Variants in MTNAP1 observed in about 807,000 individuals in gnomAD.
The protein encoded by MTNAP1 is mitochondrial nucleoid-associated protein 1.
the MTNAP1 span, chr17:73,236,794 C>T: frequency 6.2e-7 from 1 of 1,614,176 alleles, no homozygotes; most frequent in Non-Finnish European, 8.5e-7. Flanking sequence ...AGCCCAGCGT[C>T]ACACTCCTCA....
At chr17:73,239,928 TCAA>T in the MTNAP1 span, among the ~76,000 whole-genome samples, 1 of 152,186 alleles carries the variant, frequency 6.6e-6, no homozygotes, top group Non-Finnish European at 1.5e-5. Flanking sequence ...ACAGTGAACC[TCAA>T]GTTGAGTTTA....
chr17:73,234,702 A>T, the MTNAP1 span, among the ~76,000 whole-genome samples: 1 of 140,576 alleles, frequency 7.1e-6, no homozygotes, highest in Non-Finnish European at 1.6e-5. Flanking sequence ...AAAAAAAAGT[A>T]TAAGTGAAAA....
At chr17:73,242,816 C>A in the MTNAP1 span, 2 of 1,104,232 alleles carry the variant, frequency 1.8e-6, no homozygotes, top group Non-Finnish European at 2.7e-6. Context: ...CTCAGGCTAA[C>A]TGGGAAAACT....
chr17:73,235,989 T>C, the MTNAP1 span: 2 of 1,614,222 alleles, frequency 1.2e-6, no homozygotes, highest in Non-Finnish European at 1.7e-6. Flanking sequence ...CTTCAGAAGC[T>C]GGAGCGTCTT....
the MTNAP1 span, among the ~76,000 whole-genome samples, chr17:73,243,658 A>G: frequency 6.6e-6 from 1 of 151,114 alleles, no homozygotes; most frequent in Non-Finnish European, 1.5e-5. Flanking sequence ...CCTCCTGAGT[A>G]GCTGGGACTA....
chr17:73,235,800 A>G, the MTNAP1 span: 2 of 1,614,208 alleles, frequency 1.2e-6, no homozygotes, highest in Non-Finnish European at 1.7e-6. Flanking sequence ...CAGCTACTAC[A>G]AAGGCAGATA....
At chr17:73,243,032 T>C in the MTNAP1 span, 1 of 1,547,348 alleles carries the variant, frequency 6.5e-7, no homozygotes, top group African/African-American at 1.4e-5. Context: ...CTAGCCTAAA[T>C]AACAGGTCCC....
the MTNAP1 span, chr17:73,245,473 T>G: frequency 9.0e-7 from 1 of 1,106,494 alleles, no homozygotes; most frequent in South Asian, 3.8e-5. Flanking sequence ...AAGTTGTTAT[T>G]CAAGGAGATG....
the MTNAP1 span, among the ~76,000 whole-genome samples, chr17:73,237,468 C>T: frequency 6.6e-6 from 1 of 152,030 alleles, no homozygotes; most frequent in African/African-American, 2.4e-5. Flanking sequence ...AACATTACTT[C>T]TTGCTTCAGT....
At chr17:73,243,102 A>G in the MTNAP1 span, 1 of 438,096 alleles carries the variant, frequency 2.3e-6, no homozygotes. Context: ...TTTTTTTTTT[A>G]CAGCTTTACA....
At chr17:73,248,172 GT>G in the MTNAP1 span, 1 of 303,308 alleles carries the variant, frequency 3.3e-6, no homozygotes, top group African/African-American at 2.1e-5. Context: ...ATTCCTATCA[GT>G]TCATTTGCAC....
the MTNAP1 span, among the ~76,000 whole-genome samples, chr17:73,241,907 C>T: frequency 1.3e-5 from 2 of 152,108 alleles, no homozygotes; most frequent in South Asian, 2.1e-4. Context: ...CCAGCCTGGG[C>T]GAGAGAGTGA....
At chr17:73,240,667 A>G in the MTNAP1 span, among the ~76,000 whole-genome samples, 5 of 152,296 alleles carry the variant, frequency 3.3e-5, no homozygotes, top group East Asian at 1.9e-4. Context: ...CAGGAAGCCA[A>G]CTCATTCCTT....
chr17:73,243,916 G>T, the MTNAP1 span, among the ~76,000 whole-genome samples: 11 of 152,082 alleles, frequency 7.2e-5, no homozygotes, highest in Non-Finnish European at 1.5e-4. Flanking sequence ...CTTTTCCTTG[G>T]TGCCTAAGAG....
the MTNAP1 span, chr17:73,248,340 C>T: frequency 1.4e-6 from 1 of 712,542 alleles, no homozygotes; most frequent in Non-Finnish European, 2.4e-6. Context: ...TTCACAGAGC[C>T]AAGGAAAGAA....
the MTNAP1 span, chr17:73,235,873 A>G: frequency 2.4e-5 from 39 of 1,613,994 alleles, no homozygotes; most frequent in Admixed American, 4.2e-4. Flanking sequence ...ACCAATGACT[A>G]CTTTCCAAGA....
the MTNAP1 span, chr17:73,247,208 A>G: frequency 1.2e-6 from 2 of 1,600,158 alleles, no homozygotes; most frequent in Admixed American, 1.7e-5. Flanking sequence ...ATGCCCTGAA[A>G]AGCTGAAAAT....
the MTNAP1 span, among the ~76,000 whole-genome samples, chr17:73,238,073 A>G: frequency 6.6e-6 from 1 of 152,232 alleles, no homozygotes; most frequent in South Asian, 2.1e-4. Context: ...GAAGCTTCCT[A>G]GAGGCTCCTT....
the MTNAP1 span, chr17:73,236,420 CAGAGA>C: frequency 6.2e-7 from 1 of 1,614,076 alleles, no homozygotes; most frequent in Non-Finnish European, 8.5e-7. Context: ...AAAGGAAATG[CAGAGA>C]AAAGTATGTC....
Sources: gnomAD v4.1 joint callset for allele counts (sites outside exome capture counted in the v4.1 genomes callset) on GRCh38, gnomAD v4.1.1 for gene constraint, MANE v1.5 for transcripts, NCBI Gene and HGNC (gene_info 2026-07-23, HGNC 2026-07-21) for gene names.